Variants in CNTN4 observed in about 807,000 individuals in gnomAD.
The protein encoded by CNTN4 is contactin 4.
A neutral mutation model predicts 122.5 loss-of-function variants in CNTN4; 77 were observed. The ratio of observed to expected loss-of-function variants is 0.63; its 90% CI spans 0.52 to 0.76. The LOEUF is 0.76. Ranked by LOEUF, CNTN4 falls within the 30% of genes least tolerant of loss-of-function variation. The probability of loss-of-function intolerance (pLI) is 0.00; values close to 1 mark genes in which losing one functional copy is unlikely to be tolerated. For missense variants in CNTN4, 1,256 were observed against 1,259.1 expected (o/e 1.00, Z 0.04); for synonymous variants, 512 against 447.0 (o/e 1.15, Z -1.83).
chr3:2,124,581 G>A (rs1407170507), intron 2 of CNTN4, among the ~76,000 whole-genome samples: 1 of 151,780 alleles, frequency 6.6e-6, no homozygotes, highest in Non-Finnish European at 1.5e-5. Flanking sequence ...GAGCAACAAA[G>A]TGAGCTCCTT....
chr3:2,510,455 C>T (rs1410690422), intron 3 of CNTN4, among the ~76,000 whole-genome samples: 4 of 151,936 alleles, frequency 2.6e-5, no homozygotes, highest in Non-Finnish European at 5.9e-5. Flanking sequence ...TCAATGTTCT[C>T]CCTTCTTTAT....
intron 3 of CNTN4, among the ~76,000 whole-genome samples, chr3:2,547,230 A>ATT (rs2078282680): frequency 6.9e-6 from 1 of 144,244 alleles, no homozygotes; most frequent in Non-Finnish European, 1.5e-5. Context: ...GTTTTGTATG[A>ATT]TATTTATTTA....
intron 23 of CNTN4, among the ~76,000 whole-genome samples, chr3:3,051,353 T>A (rs939507551): frequency 3.3e-5 from 5 of 152,182 alleles, no homozygotes; most frequent in African/African-American, 1.2e-4. Flanking sequence ...TTTACAGGAC[T>A]TTATTTGGGT....
chr3:2,819,915 T>C (rs1161104595), intron 7 of CNTN4, among the ~76,000 whole-genome samples: 2 of 152,180 alleles, frequency 1.3e-5, no homozygotes, highest in Non-Finnish European at 2.9e-5. Flanking sequence ...ATGGCCCTAC[T>C]TCATTTCATC....
intron 4 of CNTN4, among the ~76,000 whole-genome samples, chr3:2,614,950 A>G (rs141997870): frequency 6.6e-6 from 1 of 152,154 alleles, no homozygotes; most frequent in African/African-American, 2.4e-5. Context: ...ATGGGTACTT[A>G]TTTATTGAAA....
At chr3:2,571,754 G>T (rs1394591323) in intron 4 of CNTN4, among the ~76,000 whole-genome samples, 196 bp downstream of exon 4, 3 of 152,172 alleles carry the variant, frequency 2.0e-5, no homozygotes, top group Non-Finnish European at 4.4e-5. Flanking sequence ...TGTATCCAGA[G>T]ATAGACACCG....
chr3:2,640,880 T>C (rs1041543291), intron 4 of CNTN4, among the ~76,000 whole-genome samples: 1 of 152,222 alleles, frequency 6.6e-6, no homozygotes, highest in African/African-American at 2.4e-5. Flanking sequence ...TTTTTAAATG[T>C]GTCACATTTG....
chr3:2,951,272 G>A (rs1441510878), intron 13 of CNTN4, among the ~76,000 whole-genome samples: 4 of 152,124 alleles, frequency 2.6e-5, no homozygotes, highest in Admixed American at 6.5e-5. Context: ...GTGGGAGGTG[G>A]TTTTGGGATA....
At chr3:2,144,611 G>C (rs1341080418) in intron 2 of CNTN4, among the ~76,000 whole-genome samples, 1 of 152,094 alleles carries the variant, frequency 6.6e-6, no homozygotes, top group African/African-American at 2.4e-5. Flanking sequence ...CCTACACAAT[G>C]ACACGGATTA....
At chr3:3,026,616 A>G (rs529363794) in intron 15 of CNTN4, among the ~76,000 whole-genome samples, 13 of 152,244 alleles carry the variant, frequency 8.5e-5, no homozygotes, top group Middle Eastern at 3.4e-3. Flanking sequence ...ACTCTGTGTC[A>G]CATATCATAT....
chr3:2,730,903 G>C (rs184881565), intron 4 of CNTN4, among the ~76,000 whole-genome samples: 86 of 151,804 alleles, frequency 5.7e-4, no homozygotes, highest in African/African-American at 1.9e-3. Flanking sequence ...GTGGAAGTGG[G>C]CCAAATTAAT....
chr3:2,764,649 G>A (rs2090757684), intron 6 of CNTN4, among the ~76,000 whole-genome samples: 1 of 152,174 alleles, frequency 6.6e-6, no homozygotes, highest in Non-Finnish European at 1.5e-5. Context: ...GTCCCATTAA[G>A]CATGCTCAGT....
At chr3:2,529,277 G>A (rs953578664) in intron 3 of CNTN4, among the ~76,000 whole-genome samples, 4 of 152,114 alleles carry the variant, frequency 2.6e-5, no homozygotes, top group Admixed American at 1.3e-4. Flanking sequence ...CCCCACGTGA[G>A]AGGATATTAC....
At chr3:2,836,685 C>T (rs1304458183) in intron 7 of CNTN4, among the ~76,000 whole-genome samples, 2 of 150,190 alleles carry the variant, frequency 1.3e-5, no homozygotes, top group African/African-American at 4.9e-5. Context: ...AGTATTTGCT[C>T]AAAATATACC....
chr3:2,964,673 GCAAACAC>G (rs1692117587), intron 13 of CNTN4, among the ~76,000 whole-genome samples: 1 of 152,118 alleles, frequency 6.6e-6, no homozygotes, highest in African/African-American at 2.4e-5. Flanking sequence ...GATAATAATA[GCAAACAC>G]CAGTTGTAAG....
intron 3 of CNTN4, among the ~76,000 whole-genome samples, chr3:2,389,865 C>G (rs1031877384): frequency 6.6e-6 from 1 of 152,078 alleles, no homozygotes; most frequent in African/African-American, 2.4e-5. Context: ...GGAAACATCA[C>G]ACAAAGCTAA....
chr3:2,602,470 C>G (rs373030892), intron 4 of CNTN4, among the ~76,000 whole-genome samples: 42 of 152,208 alleles, frequency 2.8e-4, no homozygotes, highest in African/African-American at 7.5e-4. Context: ...GCCAAATCAT[C>G]AGTGAACTCC....
In CNTN4 at chr3:3,056,346, T is replaced by C. The variant is rs1701798959; in HGVS notation, c.*126T>C. 4 of 781,704 alleles carry C rather than the reference T, an allele frequency of 5.1e-6. No individual in the cohort carries two copies. The highest frequency in any genetic ancestry group is 1.5e-5 in the South Asian group (1 of 67,480). The allele number at this position is 781,704 out of a possible 1,614,324, so 48.4% of individuals were successfully genotyped here. Reference sequence around the variant, plus strand: ...CTTATTACTGGAATAAAAATGTTTTTTGCTTCTTTAGGAATGGCATTATAC... The same window carrying C: ...CTTATTACTGGAATAAAAATGTTTTCTGCTTCTTTAGGAATGGCATTATAC... On this transcript the variant is annotated 3_prime_UTR_variant, in exon 25 of 25. Transcript: ENST00000418658.
rs540330097 is a variant in CNTN4, at chr3:2,330,976, A to G, written c.-144-8202A>G. Among the ~76,000 whole-genome samples, 3 of 152,294 alleles carry G rather than the reference A, an allele frequency of 2.0e-5. No homozygotes were observed. The South Asian group carries it at 6.2e-4, about 32-fold the overall frequency. On this transcript the variant is annotated intron_variant, in intron 2 of 24. Transcript: ENST00000418658. ...ATGTGACACATTAAACAGTTGTGGA[A>G]TGTCAAAAATTGGCATAATAGATGA... is the stretch of plus-strand genomic sequence containing the variant.
Sources: allele counts gnomAD v4.1 joint callset (sites outside exome capture counted in the v4.1 genomes callset), GRCh38; gene constraint gnomAD v4.1.1; transcripts MANE v1.5; gene names NCBI Gene and HGNC (gene_info 2026-07-23, HGNC 2026-07-21).